The following GIMD1 variants were observed in gnomAD, a reference collection of about 807,000 sequenced individuals.
The protein encoded by GIMD1 is GIMAP family P-loop NTPase domain containing 1.
A neutral mutation model predicts 14.9 loss-of-function variants in GIMD1; 14 were observed. The ratio of observed to expected loss-of-function variants is 0.94; its 90% confidence interval spans 0.62 to 1.47. The LOEUF is 1.47. Among genes scored for constraint, GIMD1 ranks in the 40% most tolerant of loss-of-function variants. GIMD1 has a pLI of 0.00. For synonymous variants in GIMD1, 91 were observed against 90.5 expected (o/e 1.01, Z -0.03); for missense variants, 272 against 255.3 (o/e 1.07, Z -0.44).
At chr4:106,362,849 A>G (rs892900713) in intron 2 of GIMD1, among the ~76,000 whole-genome samples, 1 of 151,962 alleles carries the variant, frequency 6.6e-6, no homozygotes, top group Non-Finnish European at 1.5e-5. Flanking sequence ...AGAATATTCA[A>G]CCTCAGAGAT....
At chr4:106,365,287 G>C (rs915798067) in intron 2 of GIMD1, among the ~76,000 whole-genome samples, 2 of 151,500 alleles carry the variant, frequency 1.3e-5, no homozygotes. Flanking sequence ...CCTTACTTTT[G>C]TATAGCAGGT....
chr4:106,365,818 TA>T (rs934015910), intron 2 of GIMD1, among the ~76,000 whole-genome samples: 10 of 141,070 alleles, frequency 7.1e-5, no homozygotes, highest in African/African-American at 2.5e-4. Context: ...CAGGAATTGT[TA>T]GTAATAGTCT....
At chr4:106,359,360 C>A (rs568588313) in intron 2 of GIMD1, among the ~76,000 whole-genome samples, 51 of 151,836 alleles carry the variant, frequency 3.4e-4, no homozygotes, top group African/African-American at 1.1e-3. Context: ...AAGAAAAATA[C>A]AAAATGCCTA....
At chr4:106,366,821 G>A (rs1296544966) in intron 2 of GIMD1, among the ~76,000 whole-genome samples, 2 of 151,420 alleles carry the variant, frequency 1.3e-5, no homozygotes, top group African/African-American at 2.4e-5. Flanking sequence ...TGACTGATTG[G>A]GTTCCTCTGA....
chr4:106,367,173 A>G lies in GIMD1; in HGVS notation c.263T>C (p.Val88Ala). ...CAGAGCCTCTTTGACTTCCTGTTTC[A>G]CATACTTCTTGCTCAGCCTGCTGTG... is the stretch of plus-strand genomic sequence containing the variant. ...YPHSRLSKKYVKQEVKEALAH... is the reference protein window; with the variant it reads ...YPHSRLSKKYAKQEVKEALAH... Residue 88 changes from valine to alanine, a missense_variant, in exon 2 of 3, where the codon GTG (valine) becomes GCG (alanine). Transcript: ENST00000638719. The G allele has an allele frequency of 6.5e-7, 1 of 1,535,700 alleles. No homozygotes were observed.
intron 2 of GIMD1, among the ~76,000 whole-genome samples, chr4:106,363,518 T>A (rs1265045781): frequency 6.6e-6 from 1 of 152,102 alleles, no homozygotes; most frequent in Non-Finnish European, 1.5e-5. Context: ...AGTAATACTT[T>A]ACCATTTTCT....
At chr4:106,358,655 A>G (rs1005505895) in intron 2 of GIMD1, among the ~76,000 whole-genome samples, 1 of 151,938 alleles carries the variant, frequency 6.6e-6, no homozygotes, top group East Asian at 1.9e-4. Context: ...AGGATTAAAC[A>G]GAGAATTAAA....
intron 1 of GIMD1, 79 bp from the exon 2 acceptor site, chr4:106,367,516 T>A: frequency 1.5e-6 from 2 of 1,333,368 alleles, no homozygotes; most frequent in Non-Finnish European, 2.0e-6. Flanking sequence ...CTGGCCTGGT[T>A]GCACTCCAAG....
Position 106,367,054 on chromosome 4 carries a change from GGA to G in GIMD1, c.380_381del (p.Val127AlafsTer32). 6.6e-7 allele frequency: 1 copy of G among 1,525,166 alleles called. No homozygotes were observed. The highest frequency in any genetic ancestry group is 8.8e-7 in the Non-Finnish European group (1 of 1,141,082). The allele number at this position is 1,525,166 out of a possible 1,614,324, so 94.5% of individuals were successfully genotyped here. A position where few individuals can be genotyped will look rare whatever the true frequency, so the allele number is the denominator to read the frequency against. ...PFCGQEVTDP[V>X]QMIQELLGHA... ...CATCTTAGTATTACCTGGATCATCT[GGA>G]CTGGGTCAGTTACTTCCTGCCCACA... is the stretch of plus-strand genomic sequence containing the variant. On this transcript the variant is annotated frameshift_variant, in exon 2 of 3. Coordinates refer to ENST00000638719, the MANE Select transcript of GIMD1 (RefSeq NM_001195138.2). LOFTEE classifies it high-confidence loss of function.
Position 106,367,156 on chromosome 4 carries a change from C to T in GIMD1, c.280G>A (p.Glu94Lys). ...SKKYVKQEVK[E>K]ALAHHFGQGG... Reference sequence around the variant, plus strand: ...TGCCCGAAGTGATGTGCCAGAGCCTCTTTGACTTCCTGTTTCACATACTTC... The same window carrying T: ...TGCCCGAAGTGATGTGCCAGAGCCTTTTTGACTTCCTGTTTCACATACTTC... The change falls in exon 2 of 3, where the codon GAG becomes AAG. Residue 94 changes from glutamate to lysine, a missense_variant. Physicochemically the swap from Glu to Lys is moderately conservative, Grantham distance 56 (BLOSUM62 1). Transcript: ENST00000638719. 9.1e-6 allele frequency: 14 copies of T among 1,535,786 alleles called. No homozygotes were observed. Among genetic ancestry groups the T allele is most frequent in the Non-Finnish European group, 1.1e-5 (13 of 1,146,788 alleles).
At chr4:106,366,679 G>A (rs2125934819) in intron 2 of GIMD1, among the ~76,000 whole-genome samples, 1 of 152,206 alleles carries the variant, frequency 6.6e-6, no homozygotes, top group Non-Finnish European at 1.5e-5. Context: ...CAGCCCAGTT[G>A]ATTCTGATGC....
rs72878581 is a variant in GIMD1 at position 106,358,342 on chromosome 4, C to T, written c.495G>A (p.Glu165=). 7,346 of 1,533,892 alleles carry T rather than the reference C, an allele frequency of 4.8e-3. 294 individuals are homozygous for T. The African/African-American group carries it at 0.088, about 18-fold the overall frequency. Residue 165 remains glutamate, a synonymous_variant, in exon 3 of 3, where the codon GAG becomes GAA. Transcript: ENST00000638719. ...AGLTEDKYLH[E]ASDTLKTLLN... is the part of the protein sequence containing the mutation. ...GCAGCGTTTTCAGGGTATCAGAGGCCTCATGTAAATATTTATCTTCAGTAA... is the reference window on the plus strand; with the variant it reads ...GCAGCGTTTTCAGGGTATCAGAGGCTTCATGTAAATATTTATCTTCAGTAA...
At chr4:106,362,889 G>A (rs1037498402) in intron 2 of GIMD1, among the ~76,000 whole-genome samples, 1 of 138,790 alleles carries the variant, frequency 7.2e-6, no homozygotes, top group African/African-American at 2.9e-5. Context: ...TTTTACAGAT[G>A]AGGTATTGAG....
rs1375268964 is a variant in GIMD1, at chr4:106,361,058, CT to C, written c.394-2616del. Among the ~76,000 whole-genome samples, 5 of 152,010 alleles carry C rather than the reference CT, an allele frequency of 3.3e-5. No homozygotes were observed. The East Asian group carries it at 9.7e-4, about 29-fold the overall frequency. On this transcript the variant is annotated intron_variant, in intron 2 of 2. Transcript: ENST00000638719. ...ATTTGCATCAGAATCACCTGGGAGG[CT>C]TTCTAAAAATGCATCAGAACCATTA...
At chr4:106,358,571 CAATGTAGGA>C in intron 2 of GIMD1, 128 bp from the exon 3 acceptor site, 1 of 670,060 alleles carries the variant, frequency 1.5e-6, no homozygotes, top group Non-Finnish European at 2.3e-6. Context: ...AGCTGATATA[CAATGTAGGA>C]AATGAAGACA....
At chr4:106,366,880 A>G (rs1770707513) in intron 2 of GIMD1, among the ~76,000 whole-genome samples, 163 bp downstream of exon 2, 1 of 150,480 alleles carries the variant, frequency 6.6e-6, no homozygotes, top group Non-Finnish European at 1.5e-5. Flanking sequence ...TTTACTGACA[A>G]TTCCTAGGTG....
At position 106,368,778 on chromosome 4, in the gene GIMD1, T is replaced by A. The variant is rs186451402; in HGVS notation, c.-71A>T. The stretch of plus-strand genomic sequence containing the variant: ...GCCCTGGCACAGTTGTTCTTTCATA[T>A]GAACTTTCACCTTCTGATAGCGTTA... On this transcript the variant is annotated 5_prime_UTR_variant, in exon 1 of 3. Coordinates refer to ENST00000638719, the MANE Select transcript of GIMD1 (RefSeq NM_001195138.2). The A allele has an allele frequency of 1.5e-5, 6 of 398,472 alleles. No individual in the cohort carries two copies. The highest frequency in any genetic ancestry group is 2.2e-5 in the Non-Finnish European group (5 of 225,958). 24.7% of individuals were successfully genotyped at this position (398,472 alleles called of 1,614,324 possible).
intron 2 of GIMD1, among the ~76,000 whole-genome samples, chr4:106,360,027 C>T (rs939856773): frequency 6.6e-6 from 1 of 151,982 alleles, no homozygotes; most frequent in Non-Finnish European, 1.5e-5. Context: ...TTTCAGTAAA[C>T]ATCTGTTAAA....
At chr4:106,364,270 C>G (rs1027519953) in intron 2 of GIMD1, among the ~76,000 whole-genome samples, 3 of 152,126 alleles carry the variant, frequency 2.0e-5, no homozygotes, top group African/African-American at 7.2e-5. Context: ...AAAGAAGAAG[C>G]TACTTCTCTG....
Sources: gnomAD v4.1 joint callset for allele counts (sites outside exome capture counted in the v4.1 genomes callset) on GRCh38, gnomAD v4.1.1 for gene constraint, MANE v1.5 for transcripts, NCBI Gene and HGNC (gene_info 2026-07-23, HGNC 2026-07-21) for gene names.